The following ACER2 variants were observed in gnomAD, a reference collection of about 807,000 sequenced individuals.
ACER2 encodes alkaline ceramidase 2.
ACER2 carries 26 observed loss-of-function variants against 34.7 expected under a neutral mutation model. That is an observed-to-expected ratio of 0.75 (90% confidence interval 0.55 to 1.04). The LOEUF (loss-of-function observed/expected upper bound fraction) is 1.04. Ranked by LOEUF, ACER2 falls within the 50% of genes least tolerant of loss-of-function variation. The probability of loss-of-function intolerance (pLI) is 0.00; values close to 1 mark genes in which losing one functional copy is unlikely to be tolerated. For synonymous variants in ACER2, 138 were observed against 132.1 expected (o/e 1.04, Z -0.31); for missense variants, 352 against 340.8 (o/e 1.03, Z -0.26).
At chr9:19,419,447 AGG>A (rs1235531249) in intron 1 of ACER2, among the ~76,000 whole-genome samples, 1 of 152,180 alleles carries the variant, frequency 6.6e-6, no homozygotes, top group Non-Finnish European at 1.5e-5. Context: ...CTATGTGGGA[AGG>A]AGAGAAAGAT....
chr9:19,434,644 G>A (rs151176661), intron 3 of ACER2, among the ~76,000 whole-genome samples: 2,045 of 152,296 alleles, frequency 0.013, 40 homozygotes, highest in African/African-American at 0.047. Flanking sequence ...GTGGCGGTGC[G>A]CGCCTGCAAT....
intron 4 of ACER2, among the ~76,000 whole-genome samples, chr9:19,436,960 C>G (rs1830996278): frequency 6.6e-6 from 1 of 152,226 alleles, no homozygotes; most frequent in African/African-American, 2.4e-5. Flanking sequence ...GAATTTTCTT[C>G]TTTTGGCTTC....
chr9:19,426,356 CT>C (rs1491273411), intron 3 of ACER2, among the ~76,000 whole-genome samples: 3 of 122,802 alleles, frequency 2.4e-5, no homozygotes, highest in Non-Finnish European at 4.8e-5. Context: ...TTCTCCCTCT[CT>C]TTCTCTCTCT....
intron 5 of ACER2, among the ~76,000 whole-genome samples, chr9:19,449,429 C>G (rs1303040960): frequency 6.6e-6 from 1 of 152,122 alleles, no homozygotes; most frequent in African/African-American, 2.4e-5. Context: ...TTCCCTGCCC[C>G]CCTGCAGTTT....
intron 1 of ACER2, among the ~76,000 whole-genome samples, chr9:19,423,511 G>A (rs573270016): frequency 1.2e-4 from 19 of 152,150 alleles, no homozygotes; most frequent in Admixed American, 6.6e-4. Flanking sequence ...AGACCAGCCC[G>A]GCCAACATGG....
chr9:19,450,800 A>T lies in ACER2; in HGVS notation c.*164A>T, dbSNP rs1831546084. 1 of 572,446 alleles carries T rather than the reference A, an allele frequency of 1.7e-6. No homozygotes were observed. Among genetic ancestry groups the T allele is most frequent in the Non-Finnish European group, 2.7e-6 (1 of 369,154 alleles). The allele number at this position is 572,446 out of a possible 1,614,324, so 35.5% of individuals were successfully genotyped here. ...TCTTTAGTGTTCTTTGTATGTAGGG[A>T]TTTAAACTTTGTCATATGGTACAAA... On this transcript the variant is annotated 3_prime_UTR_variant, in exon 6 of 6. Coordinates refer to ENST00000340967, the MANE Select transcript of ACER2 (RefSeq NM_001010887.3).
At position 19,450,450 on chromosome 9, in the gene ACER2, G is replaced by T. The variant is rs1381623889; in HGVS notation, c.642G>T (p.Trp214Cys). ...SFNFPYLHCM[W>C]HILICLAAYL... Reference sequence around the variant, plus strand: ...TCTCACCTCTTGTCTCCCTCTGCAGGCACATCCTCATCTGCCTTGCTGCCT... The same window carrying T: ...TCTCACCTCTTGTCTCCCTCTGCAGTCACATCCTCATCTGCCTTGCTGCCT... Residue 214 changes from tryptophan (W) to cysteine (C), a missense_variant and splice_region_variant, in exon 6 of 6, where the codon TGG becomes TGT. Transcript: ENST00000340967. 2 of 1,590,896 alleles carry T rather than the reference G, an allele frequency of 1.3e-6. No homozygotes were observed. The highest frequency in any genetic ancestry group is 1.7e-6 in the Non-Finnish European group (2 of 1,161,642).
At chr9:19,445,740 G>T (rs939463758) in intron 4 of ACER2, among the ~76,000 whole-genome samples, 2 of 152,194 alleles carry the variant, frequency 1.3e-5, no homozygotes, top group Non-Finnish European at 2.9e-5. Flanking sequence ...GAAAAGGGAA[G>T]ATCATGCATC....
intron 5 of ACER2, among the ~76,000 whole-genome samples, chr9:19,447,856 A>G (rs922638675): frequency 6.6e-6 from 1 of 152,184 alleles, no homozygotes; most frequent in Non-Finnish European, 1.5e-5. Context: ...AAGTATAGAA[A>G]GAATGGCTCT....
chr9:19,442,837 C>CTT (rs113229012), intron 4 of ACER2, among the ~76,000 whole-genome samples: 16,541 of 144,574 alleles, frequency 0.11, 2,625 homozygotes, highest in African/African-American at 0.36. Flanking sequence ...CCAATAAATA[C>CTT]TTTTTTTTTT....
At chr9:19,449,457 A>G (rs1376533496) in intron 5 of ACER2, among the ~76,000 whole-genome samples, 1 of 152,162 alleles carries the variant, frequency 6.6e-6, no homozygotes, top group African/African-American at 2.4e-5. Flanking sequence ...GTCTTTCAGT[A>G]TATTAATATT....
intron 4 of ACER2, among the ~76,000 whole-genome samples, chr9:19,438,889 A>T (rs1036459693): frequency 6.6e-6 from 1 of 152,020 alleles, no homozygotes; most frequent in Non-Finnish European, 1.5e-5. Context: ...GCACTTAGGT[A>T]ATCTTCCCAC....
chr9:19,443,092 G>A (rs1239725111), intron 4 of ACER2, among the ~76,000 whole-genome samples: 2 of 151,212 alleles, frequency 1.3e-5, no homozygotes, highest in East Asian at 1.9e-4. Flanking sequence ...GTGCAGTGGC[G>A]CGATCTCGGC....
intron 3 of ACER2, among the ~76,000 whole-genome samples, chr9:19,425,697 G>A (rs1830538322): frequency 6.6e-6 from 1 of 152,202 alleles, no homozygotes; most frequent in Non-Finnish European, 1.5e-5. Flanking sequence ...GTCTTTCTGA[G>A]GAGCTGTGTG....
intron 1 of ACER2, among the ~76,000 whole-genome samples, chr9:19,419,274 G>C (rs952791705): frequency 1.3e-5 from 2 of 152,144 alleles, no homozygotes; most frequent in African/African-American, 4.8e-5. Flanking sequence ...CTGCTTCTTG[G>C]TAAATGAAAA....
At chr9:19,441,471 C>T (rs1205133782) in intron 4 of ACER2, among the ~76,000 whole-genome samples, 1 of 152,230 alleles carries the variant, frequency 6.6e-6, no homozygotes, top group Admixed American at 6.5e-5. Flanking sequence ...GCCTTCCATC[C>T]TCAGCCACTC....
At chr9:19,430,265 A>G (rs1470753477) in intron 3 of ACER2, among the ~76,000 whole-genome samples, 1 of 152,194 alleles carries the variant, frequency 6.6e-6, no homozygotes, top group Non-Finnish European at 1.5e-5. Context: ...TAACAGCTTT[A>G]CTATAAAAAT....
Position 19,436,102 on chromosome 9 carries a change from A to G in ACER2, c.503+1018A>G, listed in dbSNP as rs1379218287. On this transcript the variant is annotated intron_variant, in intron 4 of 5. Coordinates refer to ENST00000340967, the MANE Select transcript of ACER2 (RefSeq NM_001010887.3). Reference sequence around the variant, plus strand: ...GCCCTTCTTTTTTTTTTTTTTCTTAATAGAGACAAAGTCCCACTGTGCTCA... The same window carrying G: ...GCCCTTCTTTTTTTTTTTTTTCTTAGTAGAGACAAAGTCCCACTGTGCTCA... Among the ~76,000 whole-genome samples, 8 of 151,098 alleles carry G rather than the reference A, an allele frequency of 5.3e-5. No homozygotes were observed. In the South Asian group the frequency reaches 1.0e-3, roughly 20 times the overall value.
intron 1 of ACER2, among the ~76,000 whole-genome samples, chr9:19,420,448 G>C (rs1409190810): frequency 6.6e-6 from 1 of 152,142 alleles, no homozygotes; most frequent in Non-Finnish European, 1.5e-5. Context: ...TCCACAATTA[G>C]AGATGAGACT....
Sources: gnomAD v4.1 joint callset for allele counts (sites outside exome capture counted in the v4.1 genomes callset) on GRCh38, gnomAD v4.1.1 for gene constraint, MANE v1.5 for transcripts, NCBI Gene and HGNC (gene_info 2026-07-23, HGNC 2026-07-21) for gene names.